The following SLC24A2 variants were observed in gnomAD, a reference collection of about 807,000 sequenced individuals.
SLC24A2 encodes solute carrier family 24 member 2.
Under a neutral mutation model 62.0 loss-of-function variants are expected in SLC24A2, and 36 were observed. The ratio of observed to expected loss-of-function variants is 0.58; its 90% CI spans 0.44 to 0.77. SLC24A2 has a LOEUF of 0.77. Ranked by LOEUF, SLC24A2 falls within the 30% of genes least tolerant of loss-of-function variation. The pLI is 0.00. For missense variants in SLC24A2, 846 were observed against 817.9 expected, an observed-to-expected ratio of 1.03 and a Z score of -0.42; for synonymous variants, 358 against 294.0, an observed-to-expected ratio of 1.22 and a Z score of -2.23.
the SLC24A2 span, among the ~76,000 whole-genome samples, chr9:20,129,212 T>C: frequency 6.6e-6 from 1 of 152,106 alleles, no homozygotes; most frequent in Non-Finnish European, 1.5e-5. Context: ...TCATTAGTTA[T>C]TAGGGAAGTG....
At chr9:20,071,144 G>A in the SLC24A2 span, among the ~76,000 whole-genome samples, 1 of 152,182 alleles carries the variant, frequency 6.6e-6, no homozygotes, top group Admixed American at 6.6e-5. Context: ...CACTCTAGAA[G>A]CAGAAGCTGC....
chr9:20,261,731 A>ATTTTT, the SLC24A2 span, among the ~76,000 whole-genome samples: 11 of 89,496 alleles, frequency 1.2e-4, no homozygotes, highest in South Asian at 1.2e-3. Context: ...AAAACACCAA[A>ATTTTT]TCTTTTTTTT....
the SLC24A2 span, among the ~76,000 whole-genome samples, chr9:19,931,856 GAAAT>G: frequency 6.6e-6 from 1 of 152,042 alleles, no homozygotes; most frequent in Non-Finnish European, 1.5e-5. Flanking sequence ...ATTGAATAAA[GAAAT>G]AAAATATTGA....
At chr9:19,997,413 G>A in the SLC24A2 span, among the ~76,000 whole-genome samples, 4 of 152,130 alleles carry the variant, frequency 2.6e-5, no homozygotes, top group African/African-American at 4.8e-5. Context: ...GGAAGTGGAC[G>A]TACCATATTA....
chr9:20,061,343 G>A, the SLC24A2 span, among the ~76,000 whole-genome samples: 1 of 151,866 alleles, frequency 6.6e-6, no homozygotes, highest in South Asian at 2.1e-4. Flanking sequence ...GGAAGGCAGT[G>A]GTGCATGATC....
intron 2 of SLC24A2, among the ~76,000 whole-genome samples, chr9:19,781,396 A>G (rs999370337): frequency 8.5e-6 from 1 of 117,326 alleles, no homozygotes. Flanking sequence ...GAAGGGAGAG[A>G]TAATGGTGAC....
At chr9:20,004,255 G>A in the SLC24A2 span, among the ~76,000 whole-genome samples, 1 of 152,128 alleles carries the variant, frequency 6.6e-6, no homozygotes, top group African/African-American at 2.4e-5. Context: ...CCTACCTTTG[G>A]AGGTTTCCTT....
chr9:20,177,597 T>C, the SLC24A2 span, among the ~76,000 whole-genome samples: 6 of 152,094 alleles, frequency 3.9e-5, no homozygotes, highest in Admixed American at 6.6e-5. Flanking sequence ...AGATGCAAGA[T>C]TGGGGAACCA....
At chr9:20,125,395 A>C in the SLC24A2 span, among the ~76,000 whole-genome samples, 1 of 152,238 alleles carries the variant, frequency 6.6e-6, no homozygotes, top group African/African-American at 2.4e-5. Flanking sequence ...GCTCAACTGC[A>C]CGTTGCATTA....
the SLC24A2 span, among the ~76,000 whole-genome samples, chr9:19,903,390 T>G: frequency 1.3e-5 from 2 of 152,222 alleles, no homozygotes; most frequent in African/African-American, 4.8e-5. Context: ...AATCCCATCA[T>G]GCGTGCTTCA....
At chr9:19,830,587 T>A in the SLC24A2 span, among the ~76,000 whole-genome samples, 1 of 152,184 alleles carries the variant, frequency 6.6e-6, no homozygotes, top group Admixed American at 6.5e-5. Flanking sequence ...CAGGGTAGAA[T>A]GAAATTGACT....
At chr9:19,904,614 A>G in the SLC24A2 span, among the ~76,000 whole-genome samples, 26 of 152,210 alleles carry the variant, frequency 1.7e-4, no homozygotes, top group African/African-American at 4.3e-4. Flanking sequence ...AATAGAGACT[A>G]CTTTCCTGGT....
chr9:19,560,914 TATAGAGAGAGAGAG>T (rs1285526882), intron 7 of SLC24A2, among the ~76,000 whole-genome samples: 23 of 106,442 alleles, frequency 2.2e-4, no homozygotes, highest in South Asian at 1.2e-3. Context: ...TATATATATA[TATAGAGAGAGAGAG>T]AGAGAGAGAG....
intron 2 of SLC24A2, among the ~76,000 whole-genome samples, chr9:19,746,831 G>T (rs1297513163): frequency 6.6e-6 from 1 of 152,064 alleles, no homozygotes; most frequent in Non-Finnish European, 1.5e-5. Flanking sequence ...AAGAACCTTT[G>T]CAAAAGTGTT....
chr9:19,604,981 T>G (rs1307660788), intron 4 of SLC24A2, among the ~76,000 whole-genome samples: 2 of 152,234 alleles, frequency 1.3e-5, no homozygotes, highest in Non-Finnish European at 2.9e-5. Context: ...TATAAATCCA[T>G]GTACCATTAC....
the SLC24A2 span, among the ~76,000 whole-genome samples, chr9:20,156,534 G>C: frequency 6.6e-6 from 1 of 151,694 alleles, no homozygotes; most frequent in Non-Finnish European, 1.5e-5. Flanking sequence ...TTGCCATTTT[G>C]GAAGTCACAA....
chr9:20,079,055 C>G, the SLC24A2 span, among the ~76,000 whole-genome samples: 54 of 143,352 alleles, frequency 3.8e-4, 1 homozygote, highest in African/African-American at 1.3e-3. Flanking sequence ...AATTAAGAAC[C>G]TTGAGATAAG....
intron 2 of SLC24A2, among the ~76,000 whole-genome samples, chr9:19,763,508 G>A (rs1301735642): frequency 6.7e-6 from 1 of 150,246 alleles, no homozygotes; most frequent in Non-Finnish European, 1.5e-5. Context: ...CCTTGTTTAT[G>A]GAGTGAAGCA....
chr9:19,906,632 A>G, the SLC24A2 span, among the ~76,000 whole-genome samples: 6 of 152,348 alleles, frequency 3.9e-5, no homozygotes, highest in South Asian at 1.0e-3. Context: ...GCAATAAAAA[A>G]TGATAAAGGG....
Sources: allele counts gnomAD v4.1 joint callset (sites outside exome capture counted in the v4.1 genomes callset), GRCh38; gene constraint gnomAD v4.1.1; transcripts MANE v1.5; gene names NCBI Gene and HGNC (gene_info 2026-07-23, HGNC 2026-07-21).